The following L3MBTL4 variants were observed in gnomAD, a reference collection of about 807,000 sequenced individuals.
L3MBTL4 encodes the protein L3MBTL histone methyl-lysine binding protein 4, also known as lethal(3)malignant brain tumor-like protein 4.
L3MBTL4 carries 70 observed loss-of-function variants against 84.5 expected under a neutral mutation model. The observed-to-expected ratio is 0.83, with a 90% CI of 0.68 to 1.01. The LOEUF (loss-of-function observed/expected upper bound fraction) is 1.01, where lower values mean the gene tolerates loss of function less well. Ranked by LOEUF, L3MBTL4 falls within the 50% of genes least tolerant of loss-of-function variation. L3MBTL4 has a pLI of 0.00. For synonymous variants in L3MBTL4, 274 were observed against 259.8 expected, an observed-to-expected ratio of 1.05 and a Z score of -0.52; for missense variants, 715 against 754.8, an observed-to-expected ratio of 0.95 and a Z score of 0.62.
chr18:6,008,856 G>C (rs571780920), intron 16 of L3MBTL4, among the ~76,000 whole-genome samples: 7 of 152,322 alleles, frequency 4.6e-5, no homozygotes, highest in African/African-American at 1.4e-4. Context: ...GCAACAGTCT[G>C]TGTGTTGTCT....
intron 16 of L3MBTL4, among the ~76,000 whole-genome samples, chr18:6,074,814 T>C (rs1373399577): frequency 6.6e-6 from 1 of 152,132 alleles, no homozygotes; most frequent in East Asian, 1.9e-4. Flanking sequence ...TTTTACATTT[T>C]CCCAACTTAT....
intron 18 of L3MBTL4, among the ~76,000 whole-genome samples, chr18:5,957,322 A>G (rs951529004): frequency 5.3e-5 from 8 of 152,130 alleles, no homozygotes; most frequent in African/African-American, 1.9e-4. Flanking sequence ...CACGCATTGT[A>G]TATGTATATC....
chr18:5,991,187 G>T (rs982635363), intron 16 of L3MBTL4, among the ~76,000 whole-genome samples: 2 of 152,090 alleles, frequency 1.3e-5, no homozygotes, highest in Non-Finnish European at 2.9e-5. Flanking sequence ...TATAATTGAG[G>T]TTCTTTCCAT....
At chr18:6,338,544 TTATAG>T (rs2052453876) in intron 1 of L3MBTL4, among the ~76,000 whole-genome samples, 1 of 151,942 alleles carries the variant, frequency 6.6e-6, no homozygotes, top group Non-Finnish European at 1.5e-5. Context: ...TTTCTAATCA[TTATAG>T]TAAACACAAA....
intron 1 of L3MBTL4, among the ~76,000 whole-genome samples, chr18:6,338,598 T>G (rs1278837787): frequency 6.6e-6 from 1 of 151,832 alleles, no homozygotes; most frequent in African/African-American, 2.4e-5. Context: ...GTCAAAAGAA[T>G]GTATCAAGTA....
intron 16 of L3MBTL4, among the ~76,000 whole-genome samples, chr18:6,063,299 CTG>C (rs61413638): frequency 0.18 from 25,327 of 140,904 alleles, 2,617 homozygotes; most frequent in East Asian, 0.54. Context: ...CTATAAATAT[CTG>C]TGTGTGTGTG....
intron 4 of L3MBTL4, among the ~76,000 whole-genome samples, chr18:6,272,033 G>C (rs1036205691): frequency 6.6e-6 from 1 of 152,204 alleles, no homozygotes; most frequent in Non-Finnish European, 1.5e-5. Flanking sequence ...AGCTCTTGAC[G>C]GGGAAAAAGA....
At chr18:6,024,338 GT>G (rs1436301954) in intron 16 of L3MBTL4, among the ~76,000 whole-genome samples, 2 of 152,146 alleles carry the variant, frequency 1.3e-5, no homozygotes, top group Non-Finnish European at 2.9e-5. Flanking sequence ...TGGTCTCCTG[GT>G]TTTCCCTGTT....
At chr18:6,154,637 A>G (rs370987567) in intron 13 of L3MBTL4, among the ~76,000 whole-genome samples, 3 of 152,218 alleles carry the variant, frequency 2.0e-5, no homozygotes, top group African/African-American at 4.8e-5. Flanking sequence ...ATTCACACCA[A>G]TGACTTCACC....
At chr18:6,391,288 T>C (rs2055040063) in intron 1 of L3MBTL4, among the ~76,000 whole-genome samples, 1 of 152,162 alleles carries the variant, frequency 6.6e-6, no homozygotes, top group South Asian at 2.1e-4. Flanking sequence ...CCAGCATCCT[T>C]TATGATAAAA....
chr18:6,239,381 A>AT (rs1236603920), intron 9 of L3MBTL4, among the ~76,000 whole-genome samples: 2 of 48,866 alleles, frequency 4.1e-5, no homozygotes, highest in Non-Finnish European at 7.3e-5. Context: ...TACATTTAAG[A>AT]TTTTTTAGAC....
intron 15 of L3MBTL4, among the ~76,000 whole-genome samples, chr18:6,088,794 T>C (rs2058343762): frequency 6.6e-6 from 1 of 152,212 alleles, no homozygotes; most frequent in African/African-American, 2.4e-5. Flanking sequence ...AGTTGGCTCA[T>C]GGCAGTGCAG....
chr18:6,370,720 G>A (rs954824904), intron 1 of L3MBTL4, among the ~76,000 whole-genome samples: 9 of 152,168 alleles, frequency 5.9e-5, no homozygotes, highest in Admixed American at 3.3e-4. Flanking sequence ...GGAGGTAGAC[G>A]CAGCTGCTCT....
chr18:6,406,193 G>A (rs1470938971), intron 1 of L3MBTL4, among the ~76,000 whole-genome samples: 1 of 152,182 alleles, frequency 6.6e-6, no homozygotes, highest in Non-Finnish European at 1.5e-5. Context: ...TGGTGAGGAA[G>A]GCCAAGTCAC....
At chr18:6,139,139 T>G (rs1306318815) in intron 13 of L3MBTL4, among the ~76,000 whole-genome samples, 1 of 152,124 alleles carries the variant, frequency 6.6e-6, no homozygotes, top group African/African-American at 2.4e-5. Flanking sequence ...CTGTACCATA[T>G]GCTATGCAGT....
At chr18:6,295,346 C>CTATATATATATA (rs71163269) in intron 4 of L3MBTL4, among the ~76,000 whole-genome samples, 23 of 81,384 alleles carry the variant, frequency 2.8e-4, no homozygotes, top group East Asian at 1.2e-3. Flanking sequence ...CTCTCTCTCT[C>CTATATATATATA]TATATATATA....
chr18:6,080,308 C>T (rs888142807), intron 16 of L3MBTL4, among the ~76,000 whole-genome samples: 4 of 152,194 alleles, frequency 2.6e-5, no homozygotes, highest in Non-Finnish European at 4.4e-5. Flanking sequence ...CAAAACGGAA[C>T]CTGGAGAAAA....
rs1326129918 is a variant in L3MBTL4 at position 6,031,199 on chromosome 18, A to G, written c.1444+49682T>C. The G allele has an allele frequency of 7.1e-6, 7 of 985,294 alleles. No homozygotes were observed. The South Asian group carries it at 1.4e-4, about 20-fold the overall frequency. 61.0% of individuals were successfully genotyped at this position (985,294 alleles called of 1,614,324 possible). On this transcript the variant is annotated intron_variant, in intron 16 of 18. Transcript: ENST00000317931. ...CCTCCCCCGTGGGAGTAGAATGATC[A>G]TTGAGCATTATTTTAGTTTCTGTTT...
chr18:6,406,143 G>C (rs1205257399), intron 1 of L3MBTL4, among the ~76,000 whole-genome samples: 1 of 152,204 alleles, frequency 6.6e-6, no homozygotes, highest in Non-Finnish European at 1.5e-5. Context: ...TGAAAACAAA[G>C]GTTGACATGA....
Sources: gnomAD v4.1 joint callset for allele counts (sites outside exome capture counted in the v4.1 genomes callset) on GRCh38, gnomAD v4.1.1 for gene constraint, MANE v1.5 for transcripts, NCBI Gene and HGNC (gene_info 2026-07-23, HGNC 2026-07-21) for gene names.